The following KCNK2 variants were observed in gnomAD, a reference collection of about 807,000 sequenced individuals.
The protein encoded by KCNK2 is potassium two pore domain channel subfamily K member 2.
In KCNK2, 21 loss-of-function variants were observed where a neutral mutation model predicts 40.5. The observed-to-expected ratio is 0.52, with a 90% CI of 0.37 to 0.75. KCNK2 has a LOEUF of 0.75. KCNK2 is among the 30% of genes least tolerant of loss of function. The pLI is 0.00. For missense variants in KCNK2, 399 were observed against 531.6 expected, an observed-to-expected ratio of 0.75 and a Z score of 2.45; for synonymous variants, 191 against 202.2, an observed-to-expected ratio of 0.94 and a Z score of 0.47.
chr1:215,008,431 G>A (rs948790922), intron 1 of KCNK2, among the ~76,000 whole-genome samples: 15 of 151,888 alleles, frequency 9.9e-5, no homozygotes, highest in Non-Finnish European at 5.9e-5. Context: ...TCAGCAAGGA[G>A]GAAAAAACAA....
chr1:215,128,808 A>G (rs1265162890), intron 3 of KCNK2, among the ~76,000 whole-genome samples: 1 of 152,212 alleles, frequency 6.6e-6, no homozygotes, highest in Non-Finnish European at 1.5e-5. Context: ...TTAAAGAAGA[A>G]TTGTTTAAAG....
chr1:215,057,748 T>C (rs1333699834), intron 1 of KCNK2, among the ~76,000 whole-genome samples: 1 of 152,058 alleles, frequency 6.6e-6, no homozygotes, highest in Non-Finnish European at 1.5e-5. Flanking sequence ...GAGGATAGGA[T>C]GAGAACACTG....
At chr1:215,108,684 TATTA>T (rs1660546122) in intron 2 of KCNK2, among the ~76,000 whole-genome samples, 1 of 151,862 alleles carries the variant, frequency 6.6e-6, no homozygotes, top group African/African-American at 2.4e-5. Flanking sequence ...GTAAAGGGTT[TATTA>T]AGCAGGGCTA....
chr1:215,140,458 A>G (rs1320786524), intron 3 of KCNK2, among the ~76,000 whole-genome samples: 3 of 152,146 alleles, frequency 2.0e-5, no homozygotes, highest in Non-Finnish European at 2.9e-5. Flanking sequence ...AACTTACACA[A>G]ACCTAGATGT....
chr1:215,182,535 GC>G (rs1664266909), intron 5 of KCNK2, among the ~76,000 whole-genome samples: 1 of 152,092 alleles, frequency 6.6e-6, no homozygotes, highest in African/African-American at 2.4e-5. Flanking sequence ...CTCTGCCCCT[GC>G]CTGCAAGTCT....
intron 1 of KCNK2, among the ~76,000 whole-genome samples, chr1:215,034,635 ACCATTTGTTGAAAAGACATTT>A (rs1019144634): frequency 3.3e-5 from 5 of 152,080 alleles, no homozygotes; most frequent in African/African-American, 1.2e-4. Context: ...TTGTTCCAGC[ACCATTTGTTGAAAAGACATTT>A]CCTTCCTCCA....
rs4507979 is a variant in KCNK2 at position 215,101,263 on chromosome 1, A to C, written c.357+14585A>C. Among the ~76,000 whole-genome samples, 84 of 152,128 alleles carry C rather than the reference A, an allele frequency of 5.5e-4. 1 individual carries two copies. The East Asian group carries it at 0.015, about 27-fold the overall frequency. The stretch of plus-strand genomic sequence containing the variant: ...GAACGAGATAATTTCAGAAGGTGCT[A>C]ATCATCTGAAGACTAAACAACGCCT... On this transcript the variant is annotated intron_variant, in intron 2 of 6. Coordinates refer to ENST00000444842, the MANE Select transcript of KCNK2 (RefSeq NM_001017425.3).
intron 1 of KCNK2, among the ~76,000 whole-genome samples, chr1:215,057,152 T>C (rs1658197102): frequency 6.6e-6 from 1 of 152,112 alleles, no homozygotes; most frequent in South Asian, 2.1e-4. Context: ...TACCCCAAAG[T>C]TGGATTAAGC....
intron 1 of KCNK2, among the ~76,000 whole-genome samples, chr1:215,077,703 C>T (rs1658995903): frequency 6.6e-6 from 1 of 151,968 alleles, no homozygotes. Flanking sequence ...CCAAATTCTC[C>T]CAGCTTCTTC....
chr1:215,226,429 G>A (rs1470431866), intron 6 of KCNK2, among the ~76,000 whole-genome samples: 1 of 152,096 alleles, frequency 6.6e-6, no homozygotes, highest in East Asian at 1.9e-4. Flanking sequence ...GGGTTCAAGC[G>A]ATTCTCTTGC....
intron 1 of KCNK2, among the ~76,000 whole-genome samples, chr1:215,029,379 A>T (rs1657106030): frequency 1.5e-5 from 1 of 67,664 alleles, no homozygotes; most frequent in African/African-American, 3.6e-5. Context: ...CATAGCATAT[A>T]ATCTATTTGG....
intron 2 of KCNK2, among the ~76,000 whole-genome samples, chr1:215,111,986 C>T (rs1296188297): frequency 6.8e-6 from 1 of 147,716 alleles, no homozygotes; most frequent in Non-Finnish European, 1.5e-5. Context: ...CTGTAAGTTA[C>T]CAAGTACAGG....
At chr1:215,194,591 C>T (rs1664789910) in intron 5 of KCNK2, among the ~76,000 whole-genome samples, 2 of 151,988 alleles carry the variant, frequency 1.3e-5, no homozygotes, top group South Asian at 2.1e-4. Flanking sequence ...AAAGTGTAAT[C>T]CCTATCTTCT....
chr1:215,206,895 AAAACTCCATGCTTGGT>A (rs1237338937), intron 6 of KCNK2, among the ~76,000 whole-genome samples: 8 of 152,322 alleles, frequency 5.3e-5, no homozygotes, highest in Non-Finnish European at 8.8e-5. Flanking sequence ...GCAGAAAATA[AAAACTCCATGCTTGGT>A]AATCAGACAG....
At chr1:215,167,563 G>C (rs1385770364) in intron 3 of KCNK2, among the ~76,000 whole-genome samples, 1 of 152,070 alleles carries the variant, frequency 6.6e-6, no homozygotes, top group African/African-American at 2.4e-5. Flanking sequence ...GTAACAAGTA[G>C]ATATCCTTGC....
chr1:215,083,930 G>A (rs1441207880), intron 1 of KCNK2, among the ~76,000 whole-genome samples: 1 of 152,112 alleles, frequency 6.6e-6, no homozygotes, highest in East Asian at 1.9e-4. Context: ...GGGTAGTGAC[G>A]GTGCTGAGTG....
chr1:215,016,150 T>G (rs2601609), intron 1 of KCNK2, among the ~76,000 whole-genome samples: 85,158 of 151,966 alleles, frequency 0.56, 25,545 homozygotes, highest in South Asian at 0.78. Flanking sequence ...AATATAATAG[T>G]TGAAACACAA....
At chr1:215,197,032 A>G (rs1664895046) in intron 6 of KCNK2, among the ~76,000 whole-genome samples, 1 of 152,204 alleles carries the variant, frequency 6.6e-6, no homozygotes, top group Admixed American at 6.5e-5. Context: ...TGTATTATAT[A>G]CATACACACT....
At chr1:215,210,649 T>G (rs78487797) in intron 6 of KCNK2, among the ~76,000 whole-genome samples, 3,006 of 152,038 alleles carry the variant, frequency 0.02, 32 homozygotes, top group East Asian at 0.025. Flanking sequence ...TATATATATA[T>G]AGAGAGAGAG....
Sources: gnomAD v4.1 joint callset for allele counts (sites outside exome capture counted in the v4.1 genomes callset) on GRCh38, gnomAD v4.1.1 for gene constraint, MANE v1.5 for transcripts, NCBI Gene and HGNC (gene_info 2026-07-23, HGNC 2026-07-21) for gene names.